RALGPS2: variants seen among roughly 807,000 people sequenced by gnomAD.
RALGPS2 encodes the protein Ral GEF with PH domain and SH3 binding motif 2, also known as ras-specific guanine nucleotide-releasing factor RalGPS2.
In RALGPS2, 43 loss-of-function variants were observed where a neutral mutation model predicts 86.8. The ratio of observed to expected loss-of-function variants is 0.50; its 90% CI spans 0.39 to 0.64. RALGPS2 has a LOEUF of 0.64. Among genes scored for constraint, RALGPS2 ranks in the 30% least tolerant of loss-of-function variants. The probability of loss-of-function intolerance (pLI) is 0.00; values close to 1 mark genes in which losing one functional copy is unlikely to be tolerated. For missense variants in RALGPS2, 536 were observed against 694.6 expected, an observed-to-expected ratio of 0.77 and a Z score of 2.57; for synonymous variants, 243 against 231.3, an observed-to-expected ratio of 1.05 and a Z score of -0.46.
chr1:178,886,652 G>A (rs1016878258), intron 13 of RALGPS2, among the ~76,000 whole-genome samples: 1 of 152,118 alleles, frequency 6.6e-6, no homozygotes, highest in African/African-American at 2.4e-5. Context: ...ATATTTATAA[G>A]CCATGATTGG....
intron 8 of RALGPS2, 94 bp downstream of exon 8, chr1:178,833,644 T>C: frequency 6.8e-7 from 1 of 1,470,480 alleles, no homozygotes; most frequent in Non-Finnish European, 8.9e-7. Context: ...TAAATGTTTG[T>C]ATCTTTTAAA....
chr1:178,908,677 C>T lies in RALGPS2; in HGVS notation c.1722+1810C>T, dbSNP rs145511530. Among the ~76,000 whole-genome samples the T allele has an allele frequency of 4.5e-3, 681 of 152,208 alleles. 2 individuals carry two copies. In the Middle Eastern group the frequency reaches 0.048, roughly 11 times the overall value. ...TTCTCTGGCAATTAGTGATATTGGC[C>T]GTTTTTCAAATGCTTGTTGGCCATG... is the stretch of plus-strand genomic sequence containing the variant. On this transcript the variant is annotated intron_variant, in intron 19 of 19. Coordinates refer to ENST00000367635, the MANE Select transcript of RALGPS2 (RefSeq NM_152663.5).
chr1:178,834,183 T>C (rs1330231299), intron 8 of RALGPS2, among the ~76,000 whole-genome samples: 1 of 152,176 alleles, frequency 6.6e-6, no homozygotes, highest in Non-Finnish European at 1.5e-5. Flanking sequence ...CCCAAATAAG[T>C]TGTTCTTTTA....
chr1:178,744,837 AGAAAG>A (rs1442568040), intron 1 of RALGPS2, among the ~76,000 whole-genome samples: 3 of 148,628 alleles, frequency 2.0e-5, no homozygotes, highest in Non-Finnish European at 3.0e-5. Flanking sequence ...AAAAAAAAAA[AGAAAG>A]GAAAAGGCAT....
intron 10 of RALGPS2, among the ~76,000 whole-genome samples, chr1:178,882,677 A>G (rs965438434): frequency 2.0e-5 from 3 of 152,196 alleles, no homozygotes; most frequent in African/African-American, 7.2e-5. Flanking sequence ...ATTTTCTACA[A>G]CTACTTTAGT....
chr1:178,871,889 C>T (rs1426805987), intron 8 of RALGPS2, among the ~76,000 whole-genome samples: 5 of 152,192 alleles, frequency 3.3e-5, no homozygotes, highest in African/African-American at 1.2e-4. Context: ...GGTTCTTCTG[C>T]TATGAAATAA....
intron 10 of RALGPS2, among the ~76,000 whole-genome samples, chr1:178,881,386 C>T (rs1225221264): frequency 2.0e-5 from 3 of 152,092 alleles, no homozygotes; most frequent in African/African-American, 7.2e-5. Context: ...GAAACAGTGT[C>T]TTTGCATGGC....
At chr1:178,810,360 C>A (rs1418037653) in intron 5 of RALGPS2, among the ~76,000 whole-genome samples, 1 of 152,106 alleles carries the variant, frequency 6.6e-6, no homozygotes, top group Non-Finnish European at 1.5e-5. Flanking sequence ...ACACTCCAGC[C>A]TGGGCAACAG....
chr1:178,726,060 G>A (rs1572255891), intron 1 of RALGPS2: 1 of 152,400 alleles, frequency 6.6e-6, no homozygotes, highest in Non-Finnish European at 1.5e-5. Flanking sequence ...TGTGGGGCAG[G>A]GGCCGCAGCC....
intron 8 of RALGPS2, among the ~76,000 whole-genome samples, chr1:178,838,472 T>TAGAAGCAAAACTAACAGAAA (rs1656398942): frequency 6.6e-6 from 1 of 152,154 alleles, no homozygotes; most frequent in African/African-American, 2.4e-5. Flanking sequence ...TCCTGACTGT[T>TAGAAGCAAAACTAACAGAAA]AGAAGCAAAA....
intron 16 of RALGPS2, among the ~76,000 whole-genome samples, chr1:178,894,765 T>C (rs1659868072): frequency 6.6e-6 from 1 of 152,086 alleles, no homozygotes; most frequent in Non-Finnish European, 1.5e-5. Context: ...ACATAAAATG[T>C]TATTATATGT....
In RALGPS2 at chr1:178,862,903, T is replaced by C. The variant is rs572269261; in HGVS notation, c.608-14595T>C. 5.9e-5 allele frequency among the ~76,000 whole-genome samples: 9 copies of C among 152,308 alleles called. No individual in the cohort carries two copies. In the South Asian group the frequency reaches 1.7e-3, roughly 28 times the overall value. On this transcript the variant is annotated intron_variant, in intron 8 of 19. Transcript: ENST00000367635. The stretch of plus-strand genomic sequence containing the variant: ...ATCTGCTGGCAATGTAAATATATTT[T>C]GATGGAGAGAGAAAACAGAGTTACA...
intron 2 of RALGPS2, among the ~76,000 whole-genome samples, chr1:178,779,962 G>A (rs1314997066): frequency 6.6e-6 from 1 of 152,130 alleles, no homozygotes; most frequent in African/African-American, 2.4e-5. Flanking sequence ...TTGAATTCCT[G>A]ACATCAGGTG....
At chr1:178,776,915 C>A in intron 2 of RALGPS2, 94 bp downstream of exon 2, 2 of 908,364 alleles carry the variant, frequency 2.2e-6, no homozygotes, top group Non-Finnish European at 1.7e-6. Flanking sequence ...ATCAGAAGTG[C>A]ATTTAGTGCA....
chr1:178,753,852 G>A (rs1199715015), intron 1 of RALGPS2: 1 of 149,716 alleles, frequency 6.7e-6, no homozygotes, highest in Non-Finnish European at 1.5e-5. Flanking sequence ...TTTTTTTTGA[G>A]ATGGAGTCTC....
intron 8 of RALGPS2, among the ~76,000 whole-genome samples, chr1:178,844,025 A>G (rs1656745697): frequency 6.6e-6 from 1 of 152,166 alleles, no homozygotes; most frequent in African/African-American, 2.4e-5. Context: ...TTTTCTATTC[A>G]TGTGAAGGGA....
chr1:178,856,202 G>GATAT (rs55797277), intron 8 of RALGPS2, among the ~76,000 whole-genome samples: 919 of 83,766 alleles, frequency 0.011, 17 homozygotes, highest in African/African-American at 0.045. Flanking sequence ...GAGAGAGAGA[G>GATAT]ATATATATAT....
rs71108081 is a variant in RALGPS2 at position 178,856,394 on chromosome 1, ATTTTTTTTTT to A, written c.608-21081_608-21072del. On this transcript the variant is annotated intron_variant, in intron 8 of 19. Transcript: ENST00000367635. ...AGGCAAGTGCCACCCTGCCTGGCTA[ATTTTTTTTTT>A]TTTTTTTTTTTTTTTTTTTTTTGAG... Among the ~76,000 whole-genome samples the A allele has an allele frequency of 4.2e-3, 154 of 36,420 alleles. 4 individuals are homozygous for A. The highest frequency in any genetic ancestry group is 0.019 in the African/African-American group (133 of 6,854). 23.9% of individuals were successfully genotyped at this position (36,420 alleles called of 152,430 possible).
chr1:178,824,307 T>C (rs1350838328), intron 7 of RALGPS2, among the ~76,000 whole-genome samples: 10 of 152,150 alleles, frequency 6.6e-5, no homozygotes, highest in African/African-American at 2.2e-4. Context: ...CAGAGAAATA[T>C]GGTACCTGGA....
Sources: gnomAD v4.1 joint callset for allele counts (sites outside exome capture counted in the v4.1 genomes callset) on GRCh38, gnomAD v4.1.1 for gene constraint, MANE v1.5 for transcripts, NCBI Gene and HGNC (gene_info 2026-07-23, HGNC 2026-07-21) for gene names.